DYNC1I1: variants seen among roughly 807,000 people sequenced by gnomAD.
DYNC1I1 encodes cytoplasmic dynein 1 intermediate chain 1.
Under a neutral mutation model 86.6 loss-of-function variants are expected in DYNC1I1, and 43 were observed. That is an observed-to-expected ratio of 0.50 (90% CI 0.39 to 0.64). DYNC1I1 has a LOEUF of 0.64. Ranked by LOEUF, DYNC1I1 falls within the 30% of genes least tolerant of loss-of-function variation. The pLI, the probability that DYNC1I1 is intolerant of heterozygous loss-of-function variation, is 0.00. For missense variants in DYNC1I1, 604 were observed against 788.8 expected (o/e 0.77, Z 2.81); for synonymous variants, 262 against 283.7 (o/e 0.92, Z 0.77).
At chr7:95,995,843 A>G in intron 9 of DYNC1I1, 105 bp from the exon 10 acceptor site, 1 of 1,446,840 alleles carries the variant, frequency 6.9e-7, no homozygotes, top group Non-Finnish European at 9.2e-7. Context: ...CATAACAGAA[A>G]GCACCATTTA....
chr7:95,961,691 A>G (rs565857996), intron 6 of DYNC1I1, among the ~76,000 whole-genome samples: 3 of 152,344 alleles, frequency 2.0e-5, no homozygotes, highest in South Asian at 4.1e-4. Context: ...GGTAGAAAAC[A>G]CGAATCTGGT....
intron 2 of DYNC1I1, among the ~76,000 whole-genome samples, chr7:95,809,129 C>T (rs1562901769): frequency 6.6e-6 from 1 of 152,094 alleles, no homozygotes; most frequent in Non-Finnish European, 1.5e-5. Flanking sequence ...CCTCTAATGA[C>T]AGATAGACTT....
intron 4 of DYNC1I1, among the ~76,000 whole-genome samples, chr7:95,827,263 C>T (rs1795221468): frequency 2.0e-5 from 3 of 152,174 alleles, no homozygotes; most frequent in African/African-American, 7.2e-5. Context: ...AACCTCATGC[C>T]TGATTCACCT....
chr7:96,005,659 A>G (rs888914518), intron 10 of DYNC1I1, among the ~76,000 whole-genome samples: 3 of 152,180 alleles, frequency 2.0e-5, no homozygotes, highest in Middle Eastern at 3.2e-3. Flanking sequence ...GTATTAATTT[A>G]ATGATGTATA....
At chr7:95,796,115 A>G (rs942411910) in intron 1 of DYNC1I1, among the ~76,000 whole-genome samples, 1 of 152,148 alleles carries the variant, frequency 6.6e-6, no homozygotes, top group Non-Finnish European at 1.5e-5. Flanking sequence ...ACATAAATCT[A>G]TAGTTCATTA....
intron 10 of DYNC1I1, among the ~76,000 whole-genome samples, chr7:96,021,141 A>G (rs761055887): frequency 2.0e-5 from 3 of 152,208 alleles, no homozygotes; most frequent in Non-Finnish European, 4.4e-5. Flanking sequence ...ACTGAACCGT[A>G]CACTTGAAAA....
At chr7:95,905,976 G>C (rs929586535) in intron 6 of DYNC1I1, among the ~76,000 whole-genome samples, 3 of 152,002 alleles carry the variant, frequency 2.0e-5, no homozygotes, top group African/African-American at 7.2e-5. Flanking sequence ...TGCTTCTTGG[G>C]GACATGCTTC....
intron 5 of DYNC1I1, among the ~76,000 whole-genome samples, chr7:95,847,191 C>A (rs183970076): frequency 6.6e-6 from 1 of 152,284 alleles, no homozygotes; most frequent in Non-Finnish European, 1.5e-5. Flanking sequence ...AAACTAAGAT[C>A]TGTCCTAAAT....
At chr7:96,082,992 G>A (rs563737354) in intron 16 of DYNC1I1, among the ~76,000 whole-genome samples, 101 of 152,076 alleles carry the variant, frequency 6.6e-4, no homozygotes, top group Non-Finnish European at 1.1e-3. Context: ...GGCCAGTCTC[G>A]CCTATTGTCT....
At chr7:95,872,140 G>T (rs754685274) in intron 6 of DYNC1I1, among the ~76,000 whole-genome samples, 10 of 152,190 alleles carry the variant, frequency 6.6e-5, no homozygotes, top group Non-Finnish European at 1.2e-4. Context: ...GTGGAGCAGT[G>T]GACAGTTGGC....
At chr7:95,832,929 C>T (rs999307888) in intron 5 of DYNC1I1, among the ~76,000 whole-genome samples, 1 of 152,030 alleles carries the variant, frequency 6.6e-6, no homozygotes, top group African/African-American at 2.4e-5. Flanking sequence ...TGCCTGTTCA[C>T]TGTGATGGTA....
In DYNC1I1 at chr7:96,028,335, T is replaced by C; in HGVS notation, c.1116+14T>C. 6.3e-7 allele frequency: 1 copy of C among 1,586,432 alleles called. No homozygotes were observed. Among genetic ancestry groups the C allele is most frequent in the Non-Finnish European group, 8.6e-7 (1 of 1,159,372 alleles). ...GCTGCACACACGGTAATGCAAACTT[T>C]TGCCATATCCCTGTGAGCCGCCAGG... On this transcript the variant is annotated intron_variant, in intron 11 of 16. Coordinates refer to ENST00000447467, the MANE Select transcript of DYNC1I1 (RefSeq NM_001135556.2).
chr7:96,010,661 T>G (rs1794254241), intron 10 of DYNC1I1, among the ~76,000 whole-genome samples: 1 of 152,138 alleles, frequency 6.6e-6, no homozygotes, highest in African/African-American at 2.4e-5. Flanking sequence ...TCTAGTAATA[T>G]AAGAATCAAT....
chr7:95,838,024 C>T (rs557439771), intron 5 of DYNC1I1, among the ~76,000 whole-genome samples: 1 of 152,300 alleles, frequency 6.6e-6, no homozygotes, highest in African/African-American at 2.4e-5. Flanking sequence ...TGTGCAGAAG[C>T]TTTTTAGCTT....
At chr7:95,940,723 A>G (rs1792187269) in intron 6 of DYNC1I1, among the ~76,000 whole-genome samples, 1 of 152,144 alleles carries the variant, frequency 6.6e-6, no homozygotes, top group Admixed American at 6.5e-5. Flanking sequence ...AAAGTTTTCA[A>G]CTTCTTTGCC....
At chr7:95,894,057 C>T (rs541669855) in intron 6 of DYNC1I1, among the ~76,000 whole-genome samples, 1 of 152,192 alleles carries the variant, frequency 6.6e-6, no homozygotes, top group East Asian at 1.9e-4. Context: ...AACTATTTAA[C>T]ATGTTGATAT....
Position 96,095,751 on chromosome 7 carries a change from G to A in DYNC1I1, c.1777-1732G>A, listed in dbSNP as rs550945334. On this transcript the variant is annotated intron_variant, in intron 16 of 16. Coordinates refer to ENST00000447467, the MANE Select transcript of DYNC1I1 (RefSeq NM_001135556.2). ...ATAAATGTGATACCAACCCTTAGTT[G>A]GTTATGGTTTTCGTGAGCTTGTTTG... is the stretch of plus-strand genomic sequence containing the variant. Among the ~76,000 whole-genome samples, 4 of 152,136 alleles carry A rather than the reference G, an allele frequency of 2.6e-5. No homozygotes were observed. In the East Asian group the frequency reaches 7.7e-4, roughly 29 times the overall value.
chr7:95,986,634 T>C (rs1474440916), intron 8 of DYNC1I1, among the ~76,000 whole-genome samples: 1 of 152,100 alleles, frequency 6.6e-6, no homozygotes, highest in Non-Finnish European at 1.5e-5. Flanking sequence ...ATGCATATCA[T>C]TTCCGGTCTA....
At chr7:95,774,770 G>C (rs28360870) in intron 1 of DYNC1I1, among the ~76,000 whole-genome samples, 3,243 of 152,242 alleles carry the variant, frequency 0.021, 102 homozygotes, top group African/African-American at 0.071. Flanking sequence ...GTGCTGCTCT[G>C]TCCATAAAAA....
Sources: gnomAD v4.1 joint callset for allele counts (sites outside exome capture counted in the v4.1 genomes callset) on GRCh38, gnomAD v4.1.1 for gene constraint, MANE v1.5 for transcripts, NCBI Gene and HGNC (gene_info 2026-07-23, HGNC 2026-07-21) for gene names.